The following AUTS2 variants were observed in gnomAD, a reference collection of about 807,000 sequenced individuals.
The protein encoded by AUTS2 is activator of transcription and developmental regulator AUTS2.
A neutral mutation model predicts 112.4 loss-of-function variants in AUTS2; 17 were observed. That is an observed-to-expected ratio of 0.15 (90% CI 0.10 to 0.23). AUTS2 has a LOEUF of 0.23. Among genes scored for constraint, AUTS2 ranks in the 10% least tolerant of loss-of-function variants. The probability of loss-of-function intolerance (pLI) is 1.00; values close to 1 mark genes in which losing one functional copy is unlikely to be tolerated. For missense variants in AUTS2, 1,510 were observed against 1,701.6 expected (o/e 0.89, Z 1.98); for synonymous variants, 751 against 702.7 (o/e 1.07, Z -1.09).
intron 4 of AUTS2, among the ~76,000 whole-genome samples, chr7:70,403,683 G>A (rs1794417436): frequency 6.6e-6 from 1 of 152,152 alleles, no homozygotes; most frequent in South Asian, 2.1e-4. Flanking sequence ...GCTCCCTATG[G>A]GGTCTTCTTT....
chr7:70,495,295 C>G (rs1798411186), intron 5 of AUTS2, among the ~76,000 whole-genome samples: 1 of 139,152 alleles, frequency 7.2e-6, no homozygotes, highest in South Asian at 2.5e-4. Flanking sequence ...TCTACTTAAA[C>G]TAGGGACCAG....
intron 2 of AUTS2, among the ~76,000 whole-genome samples, chr7:70,030,620 T>G (rs945254655): frequency 2.6e-5 from 4 of 152,166 alleles, no homozygotes; most frequent in African/African-American, 9.7e-5. Context: ...TAGCCTTCTC[T>G]TATACTTAAT....
chr7:70,538,681 G>C (rs1800424276), intron 5 of AUTS2, among the ~76,000 whole-genome samples: 1 of 152,172 alleles, frequency 6.6e-6, no homozygotes, highest in Non-Finnish European at 1.5e-5. Flanking sequence ...TCTGGTTCTT[G>C]CATGGTTAAT....
intron 5 of AUTS2, among the ~76,000 whole-genome samples, chr7:70,455,599 C>G (rs1452600130): frequency 6.6e-6 from 1 of 152,144 alleles, no homozygotes; most frequent in Non-Finnish European, 1.5e-5. Context: ...CAGAGAGGCA[C>G]TTTGGCAATA....
intron 1 of AUTS2, among the ~76,000 whole-genome samples, chr7:69,764,425 AG>A (rs1472572709): frequency 1.3e-5 from 2 of 150,724 alleles, no homozygotes; most frequent in Non-Finnish European, 2.9e-5. Flanking sequence ...AGTTGCGGGC[AG>A]GGGCGCAGGT....
intron 4 of AUTS2, among the ~76,000 whole-genome samples, chr7:70,432,863 C>T (rs1795734036): frequency 6.6e-6 from 1 of 152,066 alleles, no homozygotes; most frequent in African/African-American, 2.4e-5. Context: ...AATTTAATAC[C>T]AGAAATGGAA....
At chr7:70,043,550 TTCCTTCCTTC>T (rs1801341722) in intron 2 of AUTS2, among the ~76,000 whole-genome samples, 1 of 3,194 alleles carries the variant, frequency 3.1e-4, no homozygotes, top group Non-Finnish European at 8.7e-4. Flanking sequence ...CTTCCCTCCC[TTCCTTCCTTC>T]CTTCCTTCCT....
At chr7:70,283,812 G>GA (rs1788333214) in intron 4 of AUTS2, among the ~76,000 whole-genome samples, 1 of 152,094 alleles carries the variant, frequency 6.6e-6, no homozygotes, top group East Asian at 1.9e-4. Flanking sequence ...GAGGCAGACT[G>GA]ACATTCAAGT....
intron 1 of AUTS2, among the ~76,000 whole-genome samples, chr7:69,753,885 G>T (rs756541149): frequency 2.0e-4 from 31 of 152,276 alleles, no homozygotes; most frequent in Non-Finnish European, 3.5e-4. Context: ...CCATGCATGG[G>T]GGCTTGTGAT....
At chr7:70,253,434 A>T (rs191206618) in intron 4 of AUTS2, among the ~76,000 whole-genome samples, 3 of 152,090 alleles carry the variant, frequency 2.0e-5, no homozygotes. Context: ...TATGTATCTG[A>T]TTGTTGTTAT....
intron 1 of AUTS2, among the ~76,000 whole-genome samples, chr7:69,752,786 A>G (rs1160145297): frequency 6.6e-6 from 1 of 152,176 alleles, no homozygotes; most frequent in East Asian, 1.9e-4. Flanking sequence ...TCAATGGGAA[A>G]GGAGATAAGA....
At chr7:70,438,741 G>T (rs1233526334) in intron 5 of AUTS2, among the ~76,000 whole-genome samples, 1 of 152,180 alleles carries the variant, frequency 6.6e-6, no homozygotes, top group Non-Finnish European at 1.5e-5. Context: ...CGAAGCCCCA[G>T]AGCTAACCAG....
At chr7:69,998,751 G>C (rs572913712) in intron 2 of AUTS2, among the ~76,000 whole-genome samples, 2 of 152,274 alleles carry the variant, frequency 1.3e-5, no homozygotes, top group South Asian at 4.1e-4. Flanking sequence ...AAAGTATTTT[G>C]GAAGGTGAGG....
intron 4 of AUTS2, among the ~76,000 whole-genome samples, chr7:70,427,094 G>GGCAAAGAT (rs146838294): frequency 0.014 from 2,172 of 152,240 alleles, 18 homozygotes; most frequent in South Asian, 0.057. Flanking sequence ...AAAGCACACA[G>GGCAAAGAT]GCAAAGATGT....
intron 6 of AUTS2, among the ~76,000 whole-genome samples, chr7:70,762,047 C>G (rs1398596455): frequency 6.6e-6 from 1 of 152,170 alleles, no homozygotes; most frequent in East Asian, 1.9e-4. Context: ...AAAAAATTAT[C>G]TGTAAATGTC....
At chr7:70,417,851 A>T (rs1795050565) in intron 4 of AUTS2, among the ~76,000 whole-genome samples, 1 of 152,096 alleles carries the variant, frequency 6.6e-6, no homozygotes, top group South Asian at 2.1e-4. Flanking sequence ...AGTCCAGAAG[A>T]CCGTTTGCCT....
chr7:70,756,866 A>G (rs1337454060), intron 6 of AUTS2, among the ~76,000 whole-genome samples: 2 of 152,266 alleles, frequency 1.3e-5, no homozygotes, highest in Non-Finnish European at 2.9e-5. Context: ...TTGTGTTTAT[A>G]TACAAAAACA....
intron 1 of AUTS2, among the ~76,000 whole-genome samples, chr7:69,892,798 A>G (rs1051682604): frequency 1.4e-4 from 21 of 152,212 alleles, no homozygotes; most frequent in African/African-American, 4.8e-4. Context: ...TGAAGTGTGG[A>G]TTAAAATTTT....
At chr7:70,471,831 G>C (rs1010973833) in intron 5 of AUTS2, among the ~76,000 whole-genome samples, 3 of 152,126 alleles carry the variant, frequency 2.0e-5, no homozygotes, top group Non-Finnish European at 4.4e-5. Flanking sequence ...GGGTCAGCGG[G>C]TGGGGAGAGA....
Sources: allele counts gnomAD v4.1 joint callset (sites outside exome capture counted in the v4.1 genomes callset), GRCh38; gene constraint gnomAD v4.1.1; transcripts MANE v1.5; gene names NCBI Gene and HGNC (gene_info 2026-07-23, HGNC 2026-07-21).